The following TTLL11 variants were observed in gnomAD, a reference collection of about 807,000 sequenced individuals.
TTLL11 encodes tubulin polyglutamylase TTLL11.
Under a neutral mutation model 51.7 loss-of-function variants are expected in TTLL11, and 42 were observed. The observed-to-expected ratio is 0.81, with a 90% CI of 0.64 to 1.05. The LOEUF is 1.05. TTLL11 is among the 50% of genes least tolerant of loss of function. The probability of loss-of-function intolerance (pLI) is 0.00; values close to 1 mark genes in which losing one functional copy is unlikely to be tolerated. For synonymous variants in TTLL11, 381 were observed against 383.5 expected (o/e 0.99, Z 0.08); for missense variants, 799 against 940.4 (o/e 0.85, Z 1.97).
intron 8 of TTLL11, among the ~76,000 whole-genome samples, chr9:121,826,209 T>TATATAC (rs1836755949): frequency 8.6e-6 from 1 of 116,190 alleles, no homozygotes; most frequent in African/African-American, 3.8e-5. Context: ...TATATATATA[T>TATATAC]ATATATATGC....
chr9:122,093,292 G>T lies in TTLL11; in HGVS notation c.-144C>A, dbSNP rs1044780729. On this transcript the variant is annotated 5_prime_UTR_variant, in exon 1 of 9. Transcript: ENST00000321582. The stretch of plus-strand genomic sequence containing the variant: ...CCGTTGCCATGATCGCTCAGGCTCG[G>T]GTTGACAGCGGCAGTCACCGCATCG... 7 of 1,574,228 alleles carry T rather than the reference G, an allele frequency of 4.4e-6. No homozygotes were observed. The Admixed American group carries it at 8.7e-5, about 20-fold the overall frequency.
chr9:121,889,151 G>A (rs1313814311), intron 6 of TTLL11, among the ~76,000 whole-genome samples: 2 of 152,102 alleles, frequency 1.3e-5, no homozygotes, highest in East Asian at 1.9e-4. Flanking sequence ...ACCCTATGAG[G>A]TATCTCTACT....
At chr9:121,915,520 CT>C (rs1366297276) in intron 6 of TTLL11, among the ~76,000 whole-genome samples, 1 of 152,190 alleles carries the variant, frequency 6.6e-6, no homozygotes, top group Admixed American at 6.5e-5. Flanking sequence ...AGATAGATGC[CT>C]GTCCTTCCTA....
intron 8 of TTLL11, among the ~76,000 whole-genome samples, chr9:121,838,215 T>C (rs951404852): frequency 6.6e-6 from 1 of 152,156 alleles, no homozygotes; most frequent in African/African-American, 2.4e-5. Flanking sequence ...TCCACCCACC[T>C]AGTTGTTCAA....
Position 122,041,055 on chromosome 9 carries a change from A to T in TTLL11, c.463-1687T>A, listed in dbSNP as rs1364997769. ...CACCTTGTCAGTGGGCAACCCAATG[A>T]CTCTTATCTCCTTTTTCATCACTCT... is the stretch of plus-strand genomic sequence containing the variant. On this transcript the variant is annotated intron_variant, in intron 1 of 8. Coordinates refer to ENST00000321582, the MANE Select transcript of TTLL11 (RefSeq NM_001139442.2). Among the ~76,000 whole-genome samples, 5 of 151,818 alleles carry T rather than the reference A, an allele frequency of 3.3e-5. No homozygotes were observed. In the East Asian group the frequency reaches 7.7e-4, roughly 23 times the overall value.
chr9:121,961,826 C>G (rs982807759), intron 6 of TTLL11, among the ~76,000 whole-genome samples: 1 of 152,122 alleles, frequency 6.6e-6, no homozygotes, highest in Non-Finnish European at 1.5e-5. Context: ...GAGGCTGAGG[C>G]GGGTGAATTG....
chr9:121,885,761 C>T (rs534973256), intron 6 of TTLL11, among the ~76,000 whole-genome samples: 1 of 152,302 alleles, frequency 6.6e-6, no homozygotes, highest in East Asian at 1.9e-4. Context: ...CAGGGTTTCA[C>T]TCTGTTGCAC....
chr9:122,048,806 T>C (rs1025701623), intron 1 of TTLL11, among the ~76,000 whole-genome samples: 1 of 152,164 alleles, frequency 6.6e-6, no homozygotes, highest in African/African-American at 2.4e-5. Flanking sequence ...GCTCTCTTTG[T>C]CTGTGGCCTC....
intron 3 of TTLL11, among the ~76,000 whole-genome samples, chr9:122,008,411 G>A (rs1231463083): frequency 2.6e-5 from 4 of 152,168 alleles, no homozygotes; most frequent in Admixed American, 6.5e-5. Flanking sequence ...TAAAGAATGG[G>A]CAAAGAATCT....
At chr9:121,981,238 CT>C (rs200327046) in intron 4 of TTLL11, among the ~76,000 whole-genome samples, 2 of 151,388 alleles carry the variant, frequency 1.3e-5, no homozygotes, top group East Asian at 3.9e-4. Context: ...AGGGTCTGTT[CT>C]TTTTTTTCCT....
chr9:121,886,569 G>A (rs535871136), intron 6 of TTLL11, among the ~76,000 whole-genome samples: 7 of 152,290 alleles, frequency 4.6e-5, no homozygotes, highest in South Asian at 2.1e-4. Flanking sequence ...ATGGCCCTGC[G>A]GACACCCTGC....
intron 6 of TTLL11, among the ~76,000 whole-genome samples, chr9:121,928,267 C>G (rs1437530189): frequency 6.6e-5 from 10 of 152,088 alleles, no homozygotes; most frequent in Admixed American, 6.6e-4. Flanking sequence ...ATTTCAACAG[C>G]TTTATTGGGA....
At chr9:121,935,499 T>A (rs1162876281) in intron 6 of TTLL11, among the ~76,000 whole-genome samples, 2 of 151,988 alleles carry the variant, frequency 1.3e-5, no homozygotes, top group Admixed American at 6.6e-5. Flanking sequence ...TTAAAATTTT[T>A]AAAAAATTTT....
chr9:122,075,392 C>G (rs1845836376), intron 1 of TTLL11, among the ~76,000 whole-genome samples: 1 of 152,170 alleles, frequency 6.6e-6, no homozygotes, highest in South Asian at 2.1e-4. Flanking sequence ...AATATATATG[C>G]TTTATTTTAC....
At chr9:121,899,402 T>TATATATATATATAC (rs1465376759) in intron 6 of TTLL11, among the ~76,000 whole-genome samples, 21 of 82,780 alleles carry the variant, frequency 2.5e-4, no homozygotes, top group East Asian at 2.1e-3. Context: ...TATATATATA[T>TATATATATATATAC]ACACACACAC....
At chr9:122,058,234 G>T (rs190153077) in intron 1 of TTLL11, among the ~76,000 whole-genome samples, 1 of 152,350 alleles carries the variant, frequency 6.6e-6, no homozygotes, top group Non-Finnish European at 1.5e-5. Flanking sequence ...CTAGCCCAGT[G>T]CCTGGGAGGG....
rs1266394035 is a variant in TTLL11 at position 121,816,785 on chromosome 9, T to C, written c.*5802A>G. ...TTATATAAAAATCAAGACTTTTGGC[T>C]ACTAGAGATAAAGGTAAATGAAGAC... On this transcript the variant is annotated 3_prime_UTR_variant, in exon 9 of 9. Transcript: ENST00000321582. 1 of 152,212 alleles carries C rather than the reference T, an allele frequency of 6.6e-6. No homozygotes were observed. The highest frequency in any genetic ancestry group is 2.4e-5 in the African/African-American group (1 of 41,448). 9.4% of individuals were successfully genotyped at this position (152,212 alleles called of 1,614,324 possible). A position where few individuals can be genotyped will look rare whatever the true frequency, so the allele number is the denominator to read the frequency against.
chr9:122,069,690 A>C (rs1321440584), intron 1 of TTLL11, among the ~76,000 whole-genome samples: 3 of 151,990 alleles, frequency 2.0e-5, no homozygotes, highest in African/African-American at 4.8e-5. Context: ...CAAAAAAACA[A>C]CAGCAACAAC....
intron 6 of TTLL11, among the ~76,000 whole-genome samples, chr9:121,918,178 T>C (rs1840407623): frequency 6.6e-6 from 1 of 152,104 alleles, no homozygotes; most frequent in African/African-American, 2.4e-5. Flanking sequence ...GAGGAATCAG[T>C]CTGTGGATGG....
Sources: allele counts gnomAD v4.1 joint callset (sites outside exome capture counted in the v4.1 genomes callset), GRCh38; gene constraint gnomAD v4.1.1; transcripts MANE v1.5; gene names NCBI Gene and HGNC (gene_info 2026-07-23, HGNC 2026-07-21).